Variants in PRKCZ observed in about 807,000 individuals in gnomAD.
PRKCZ encodes protein kinase C zeta, also known as protein kinase C zeta type.
PRKCZ carries 33 observed loss-of-function variants against 79.5 expected under a neutral mutation model. The ratio of observed to expected loss-of-function variants is 0.41; its 90% CI spans 0.31 to 0.55. PRKCZ has a LOEUF of 0.55. Ranked by LOEUF, PRKCZ falls within the 20% of genes least tolerant of loss-of-function variation. The probability of loss-of-function intolerance (pLI) is 0.19; values close to 1 mark genes in which losing one functional copy is unlikely to be tolerated. For missense variants in PRKCZ, 578 were observed against 813.5 expected, an observed-to-expected ratio of 0.71 and a Z score of 3.52; for synonymous variants, 342 against 320.9, an observed-to-expected ratio of 1.07 and a Z score of -0.70.
At chr1:2,126,445 C>T (rs532033268) in intron 4 of PRKCZ, among the ~76,000 whole-genome samples, 3 of 152,110 alleles carry the variant, frequency 2.0e-5, no homozygotes, top group African/African-American at 4.8e-5. Context: ...TAATCCAGCT[C>T]ATTACCTGTC....
At position 2,125,244 on chromosome 1, in the gene PRKCZ, A is replaced by C. The variant is rs61020898; in HGVS notation, c.335-10018A>C. On this transcript the variant is annotated intron_variant, in intron 4 of 17. Coordinates refer to ENST00000378567, the MANE Select transcript of PRKCZ (RefSeq NM_002744.6). This position sits in a 1 kb window ranked among gnomAD's most constrained non-coding sequence, Gnocchi z 4.2. ...GGTATTTGGTATGAATTTATTTGCA[A>C]CTGACTGCTTGGAAGTTGGCGTACA... Among the ~76,000 whole-genome samples the C allele has an allele frequency of 6.6e-6, 1 of 152,368 alleles. No homozygotes were observed. The highest frequency in any genetic ancestry group is 2.4e-5 in the African/African-American group (1 of 41,592).
intron 4 of PRKCZ, among the ~76,000 whole-genome samples, chr1:2,079,131 T>C (rs28414284): frequency 0.19 from 28,974 of 152,112 alleles, 3,585 homozygotes; most frequent in East Asian, 0.61. Context: ...CGTGAGCCAC[T>C]GCGCCCGGCC....
In PRKCZ at chr1:2,178,721, C is replaced by G. The variant is rs1245644057; in HGVS notation, c.1575+3408C>G. Among the ~76,000 whole-genome samples the G allele has an allele frequency of 6.6e-6, 1 of 152,206 alleles. No individual in the cohort carries two copies. Among genetic ancestry groups the G allele is most frequent in the African/African-American group, 2.4e-5 (1 of 41,446 alleles). On this transcript the variant is annotated intron_variant, in intron 16 of 17. Transcript: ENST00000378567. The surrounding 1 kb of genome is among the most constrained non-coding windows in gnomAD (Gnocchi z 4.3). Reference sequence around the variant, plus strand: ...GACTTAGTTCCATGGCTGTAGTGGGCACAGCTTGAGAACAGTCCCTCGGTG... The same window carrying G: ...GACTTAGTTCCATGGCTGTAGTGGGGACAGCTTGAGAACAGTCCCTCGGTG...
At chr1:2,182,814 C>T (rs538368035) in intron 16 of PRKCZ, 49 of 154,262 alleles carry the variant, frequency 3.2e-4, no homozygotes, top group African/African-American at 7.2e-4. Flanking sequence ...AATGAGTGTG[C>T]GAGGGTGGGC....
intron 4 of PRKCZ, among the ~76,000 whole-genome samples, chr1:2,068,655 C>A (rs895264672): frequency 6.6e-6 from 1 of 152,330 alleles, no homozygotes; most frequent in South Asian, 2.1e-4. Flanking sequence ...CCATCCTCAA[C>A]GCACCACAGT....
intron 4 of PRKCZ, among the ~76,000 whole-genome samples, chr1:2,126,306 TGCTGACCTGGGCTGCAGGG>T (rs1673878487): frequency 2.6e-5 from 4 of 152,136 alleles, no homozygotes; most frequent in Non-Finnish European, 5.9e-5. Flanking sequence ...AGGGCTGGTC[TGCTGACCTGGGCTGCAGGG>T]GCTGCCCGGC....
At position 2,128,430 on chromosome 1, in the gene PRKCZ, G is replaced by A. The variant is rs998324058; in HGVS notation, c.335-6832G>A. Reference sequence around the variant, plus strand: ...GTCGCCTGTCCCAGCCTGCTGCTCCGAGTTTAGTGTTTTAAAACGTGTTTT... The same window carrying A: ...GTCGCCTGTCCCAGCCTGCTGCTCCAAGTTTAGTGTTTTAAAACGTGTTTT... On this transcript the variant is annotated intron_variant, in intron 4 of 17. Coordinates refer to ENST00000378567, the MANE Select transcript of PRKCZ (RefSeq NM_002744.6). This position sits in a 1 kb window ranked among gnomAD's most constrained non-coding sequence, Gnocchi z 6.5. Among the ~76,000 whole-genome samples, 1 of 152,354 alleles carries A rather than the reference G, an allele frequency of 6.6e-6. No individual in the cohort carries two copies. The highest frequency in any genetic ancestry group is 2.1e-4 in the South Asian group (1 of 4,830).
intron 4 of PRKCZ, among the ~76,000 whole-genome samples, chr1:2,132,254 CTCTG>C (rs752286457): frequency 1.4e-4 from 22 of 152,350 alleles, no homozygotes; most frequent in Non-Finnish European, 2.2e-4. Flanking sequence ...TTCGCACTGG[CTCTG>C]TCTTCCGTTG....
chr1:2,125,384 C>T lies in PRKCZ; in HGVS notation c.335-9878C>T, dbSNP rs1050021248. Among the ~76,000 whole-genome samples, 1 of 152,236 alleles carries T rather than the reference C, an allele frequency of 6.6e-6. No individual in the cohort carries two copies. The highest frequency in any genetic ancestry group is 2.4e-5 in the African/African-American group (1 of 41,464). The stretch of plus-strand genomic sequence containing the variant: ...CAGTAGAACTGATTGTAAGGCCAGA[C>T]TGTTGGAATGTAATTCCTTCCCAAA... On this transcript the variant is annotated intron_variant, in intron 4 of 17. Coordinates refer to ENST00000378567, the MANE Select transcript of PRKCZ (RefSeq NM_002744.6). The surrounding 1 kb of genome is among the most constrained non-coding windows in gnomAD (Gnocchi z 4.2).
intron 4 of PRKCZ, among the ~76,000 whole-genome samples, chr1:2,132,834 G>T (rs1017993422): frequency 1.2e-4 from 18 of 152,320 alleles, no homozygotes; most frequent in Admixed American, 8.5e-4. Context: ...AGCGGGGTCA[G>T]CCCCCGCCTG....
At chr1:2,084,634 C>T (rs2102418811) in intron 4 of PRKCZ, among the ~76,000 whole-genome samples, 1 of 152,352 alleles carries the variant, frequency 6.6e-6, no homozygotes. Flanking sequence ...GTTCTGCACC[C>T]ACCAGCTGTC....
rs1683086063 is a variant in PRKCZ at position 2,165,155 on chromosome 1, C to T, written c.975-4363C>T. ...AGATTTCTTTGGACGAAGTAAAATC[C>T]TTCTGTGGATTCAGCTTTACCGCCT... On this transcript the variant is annotated intron_variant, in intron 10 of 17. Coordinates refer to ENST00000378567, the MANE Select transcript of PRKCZ (RefSeq NM_002744.6). This position sits in a 1 kb window ranked among gnomAD's most constrained non-coding sequence, Gnocchi z 4.1. 6.6e-6 allele frequency among the ~76,000 whole-genome samples: 1 copy of T among 152,230 alleles called. No homozygotes were observed. Among genetic ancestry groups the T allele is most frequent in the African/African-American group, 2.4e-5 (1 of 41,470 alleles).
intron 16 of PRKCZ, among the ~76,000 whole-genome samples, chr1:2,181,177 C>A (rs1209386573): frequency 1.3e-5 from 2 of 152,110 alleles, no homozygotes; most frequent in African/African-American, 4.8e-5. Flanking sequence ...GCCTCCTCCC[C>A]CTCAGCCCCT....
At position 2,128,842 on chromosome 1, in the gene PRKCZ, C is replaced by G. The variant is rs1213587728; in HGVS notation, c.335-6420C>G. ...CTGGGCTTGACTTTGAGACCCTGTT[C>G]CACAGAGGTAGCCGGGGGACTCGCG... On this transcript the variant is annotated intron_variant, in intron 4 of 17. Transcript: ENST00000378567. The surrounding 1 kb of genome is among the most constrained non-coding windows in gnomAD (Gnocchi z 6.5). Among the ~76,000 whole-genome samples, 2 of 152,176 alleles carry G rather than the reference C, an allele frequency of 1.3e-5. No homozygotes were observed. Among genetic ancestry groups the G allele is most frequent in the African/African-American group, 2.4e-5 (1 of 41,446 alleles).
chr1:2,062,110 C>T (rs889933871), intron 4 of PRKCZ, among the ~76,000 whole-genome samples: 15 of 152,192 alleles, frequency 9.9e-5, no homozygotes, highest in Non-Finnish European at 1.9e-4. Context: ...AGAGGACCTT[C>T]TGGCACATTC....
intron 4 of PRKCZ, among the ~76,000 whole-genome samples, chr1:2,065,604 G>A (rs181202460): frequency 1.6e-3 from 240 of 151,710 alleles, no homozygotes; most frequent in Non-Finnish European, 3.0e-3. Flanking sequence ...GCCTGAACCC[G>A]GGAGGCAGAG....
intron 4 of PRKCZ, among the ~76,000 whole-genome samples, chr1:2,061,452 G>A (rs1380733785): frequency 5.3e-5 from 8 of 152,170 alleles, no homozygotes; most frequent in Admixed American, 5.2e-4. Context: ...GCTCTGAAGG[G>A]GAGTGTGTCA....
At position 2,169,416 on chromosome 1, in the gene PRKCZ, G is replaced by A. The variant is rs1002607710; in HGVS notation, c.975-102G>A. 54 of 967,168 alleles carry A rather than the reference G, an allele frequency of 5.6e-5. 2 individuals carry two copies. In the Admixed American group the frequency reaches 7.5e-4, roughly 13 times the overall value. The allele number at this position is 967,168 out of a possible 1,614,324, so 59.9% of individuals were successfully genotyped here. A position where few individuals can be genotyped will look rare whatever the true frequency, so the allele number is the denominator to read the frequency against. ...TTGCTCTTTGCAAGACTGAACCTGC[G>A]GGAGGGTTCGGGCCCACGAAGGCCG... On this transcript the variant is annotated intron_variant, in intron 10 of 17. Coordinates refer to ENST00000378567, the MANE Select transcript of PRKCZ (RefSeq NM_002744.6).
At chr1:2,104,969 C>T (rs990842182) in intron 4 of PRKCZ, 1 of 973,718 alleles carries the variant, frequency 1.0e-6, no homozygotes, top group African/African-American at 1.8e-5. Context: ...CGGCCGGCCT[C>T]ACCCCGACAG....
Sources: allele counts gnomAD v4.1 joint callset (sites outside exome capture counted in the v4.1 genomes callset), GRCh38; gene constraint gnomAD v4.1.1; non-coding constraint Gnocchi (gnomAD v3.1); transcripts MANE v1.5; gene names NCBI Gene and HGNC (gene_info 2026-07-23, HGNC 2026-07-21).